The following RHBDL2 variants were observed in gnomAD, a reference collection of about 807,000 sequenced individuals.
RHBDL2 encodes rhomboid like 2.
In RHBDL2, 26 loss-of-function variants were observed where a neutral mutation model predicts 31.7. The observed-to-expected ratio is 0.82, with a 90% confidence interval of 0.60 to 1.14. The LOEUF (loss-of-function observed/expected upper bound fraction) is 1.14, where lower values mean the gene tolerates loss of function less well. Ranked by LOEUF, RHBDL2 falls within the 50% of genes most tolerant of loss-of-function variation. The pLI is 0.00. For missense variants in RHBDL2, 336 were observed against 364.4 expected, an observed-to-expected ratio of 0.92 and a Z score of 0.63; for synonymous variants, 123 against 127.2, an observed-to-expected ratio of 0.97 and a Z score of 0.22.
intron 4 of RHBDL2, among the ~76,000 whole-genome samples, chr1:38,897,059 C>G (rs2124307539): frequency 6.6e-6 from 1 of 151,758 alleles, no homozygotes; most frequent in Non-Finnish European, 1.5e-5. Context: ...GTCCTTGCTA[C>G]TCTGAGGAGG....
chr1:38,892,817 C>T (rs926676957), intron 6 of RHBDL2, among the ~76,000 whole-genome samples: 13 of 152,296 alleles, frequency 8.5e-5, no homozygotes, highest in African/African-American at 3.1e-4. Flanking sequence ...CCTGTTCTAA[C>T]CATAAGACTA....
intron 6 of RHBDL2, among the ~76,000 whole-genome samples, chr1:38,890,290 G>A (rs1011604490): frequency 7.9e-5 from 12 of 152,110 alleles, no homozygotes; most frequent in African/African-American, 2.4e-4. Flanking sequence ...AAAGTGCTGC[G>A]ATTACAGGCG....
intron 7 of RHBDL2, among the ~76,000 whole-genome samples, chr1:38,887,290 A>G (rs945937928): frequency 6.6e-6 from 1 of 152,044 alleles, no homozygotes; most frequent in African/African-American, 2.4e-5. Flanking sequence ...ATCACAGCTC[A>G]CTGTAGACTC....
Position 38,904,514 on chromosome 1 carries a change from G to A in RHBDL2, c.508+6808C>T, listed in dbSNP as rs190884803. Among the ~76,000 whole-genome samples the A allele has an allele frequency of 6.7e-3, 1,011 of 150,930 alleles. 41 individuals are homozygous for A. Among genetic ancestry groups the A allele is most frequent in the Admixed American group, 0.06 (905 of 15,122 alleles). ...AAAATTATTTGATATGACACTAAAAGCCACAATTCCTAAAGTTTGAAAATG... is the reference window on the plus strand; with the variant it reads ...AAAATTATTTGATATGACACTAAAAACCACAATTCCTAAAGTTTGAAAATG... On this transcript the variant is annotated intron_variant, in intron 4 of 7. Coordinates refer to ENST00000372990, the MANE Select transcript of RHBDL2 (RefSeq NM_017821.5).
At chr1:38,928,663 C>T (rs1266181759) in intron 1 of RHBDL2, among the ~76,000 whole-genome samples, 3 of 150,838 alleles carry the variant, frequency 2.0e-5, no homozygotes, top group Admixed American at 1.3e-4. Flanking sequence ...TCAGGCTGAT[C>T]TCGAACTCCC....
intron 2 of RHBDL2, 37 bp downstream of exon 2, chr1:38,918,930 G>C: frequency 8.2e-6 from 13 of 1,592,292 alleles, no homozygotes; most frequent in Non-Finnish European, 1.0e-5. Flanking sequence ...GCTTCCCCAT[G>C]CCACTTACCC....
In RHBDL2 at chr1:38,911,643, TGTGC is replaced by T. The variant is rs1328048574; in HGVS notation, c.396-213_396-210del. On this transcript the variant is annotated intron_variant, in intron 3 of 7. Coordinates refer to ENST00000372990, the MANE Select transcript of RHBDL2 (RefSeq NM_017821.5). ...GTGTGTGTGTGTGTGTGTGTGTGTG[TGTGC>T]GCGCGCGCGCGCGTGTGTGACTTGC... Among the ~76,000 whole-genome samples, 158 of 58,798 alleles carry T rather than the reference TGTGC, an allele frequency of 2.7e-3. 1 individual carries two copies. The highest frequency in any genetic ancestry group is 0.016 in the South Asian group (31 of 1,922). The allele number at this position is 58,798 out of a possible 152,430, so 38.6% of individuals were successfully genotyped here.
intron 3 of RHBDL2, among the ~76,000 whole-genome samples, chr1:38,913,005 C>CA (rs1306673222): frequency 1.6e-5 from 2 of 123,280 alleles, no homozygotes; most frequent in African/African-American, 6.3e-5. Flanking sequence ...TTTCTTGAGA[C>CA]AGAGTCTCAC....
In RHBDL2 at chr1:38,886,471, T is replaced by G; in HGVS notation, c.*33A>C. On this transcript the variant is annotated 3_prime_UTR_variant, in exon 8 of 8. Transcript: ENST00000372990. ...TTTTTTTTTATTTCCTCCAGATGGCTCTTTTTATTAATTGACTTACAATAG... is the reference window on the plus strand; with the variant it reads ...TTTTTTTTTATTTCCTCCAGATGGCGCTTTTTATTAATTGACTTACAATAG... 7.0e-7 allele frequency: 1 copy of G among 1,431,486 alleles called. No homozygotes were observed. Among genetic ancestry groups the G allele is most frequent in the Non-Finnish European group, 9.4e-7 (1 of 1,068,932 alleles). 88.7% of individuals were successfully genotyped at this position (1,431,486 alleles called of 1,614,324 possible). A position where few individuals can be genotyped will look rare whatever the true frequency, so the allele number is the denominator to read the frequency against.
intron 4 of RHBDL2, among the ~76,000 whole-genome samples, chr1:38,906,215 G>T (rs1424759652): frequency 1.3e-5 from 2 of 151,958 alleles, no homozygotes; most frequent in Non-Finnish European, 2.9e-5. Flanking sequence ...ACACAATAAG[G>T]CAAGAAAAAG....
intron 2 of RHBDL2, among the ~76,000 whole-genome samples, chr1:38,916,370 G>A (rs988518895): frequency 6.6e-6 from 1 of 152,170 alleles, no homozygotes; most frequent in African/African-American, 2.4e-5. Flanking sequence ...GACTATCAGA[G>A]TCATGAAAAA....
In RHBDL2 at chr1:38,928,887, C is replaced by T. The variant is rs571168275; in HGVS notation, c.-125-9550G>A. ...ACCAGCCTGGGCAACACAGCGAAAG[C>T]CTTTCTCTACAAAAAAAAATTAAAA... On this transcript the variant is annotated intron_variant, in intron 1 of 7. Transcript: ENST00000372990. 2.7e-3 allele frequency among the ~76,000 whole-genome samples: 414 copies of T among 152,132 alleles called. 6 individuals carry two copies. In the South Asian group the frequency reaches 0.047, roughly 17 times the overall value.
At chr1:38,918,874 C>T in intron 2 of RHBDL2, 93 bp downstream of exon 2, 2 of 1,475,300 alleles carry the variant, frequency 1.4e-6, no homozygotes, top group South Asian at 2.6e-5. Flanking sequence ...CTCCCATGTT[C>T]CCAGTCTCTT....
chr1:38,887,161 T>C (rs1210101066), intron 7 of RHBDL2, among the ~76,000 whole-genome samples: 1 of 152,214 alleles, frequency 6.6e-6, no homozygotes, highest in East Asian at 1.9e-4. Context: ...CAATTTTCTT[T>C]ATTGTCAACT....
At chr1:38,917,681 T>G (rs1157667848) in intron 2 of RHBDL2, among the ~76,000 whole-genome samples, 2 of 152,188 alleles carry the variant, frequency 1.3e-5, no homozygotes, top group South Asian at 4.1e-4. Context: ...AGTGAAATCC[T>G]GTGAAAAAAA....
intron 4 of RHBDL2, among the ~76,000 whole-genome samples, chr1:38,903,253 C>T (rs1483980045): frequency 6.6e-6 from 1 of 151,952 alleles, no homozygotes; most frequent in Non-Finnish European, 1.5e-5. Context: ...CTTTCTTCTA[C>T]CTCAGCCTCC....
intron 2 of RHBDL2, among the ~76,000 whole-genome samples, chr1:38,917,241 T>C (rs550778321): frequency 2.6e-5 from 4 of 152,060 alleles, no homozygotes; most frequent in South Asian, 4.2e-4. Flanking sequence ...ATGGTCTCAA[T>C]CTCCTGACCT....
intron 6 of RHBDL2, 146 bp downstream of exon 6, chr1:38,893,018 T>G (rs2124302626): frequency 4.2e-6 from 2 of 472,828 alleles, no homozygotes; most frequent in East Asian, 6.4e-5. Flanking sequence ...CCTTTTCTTT[T>G]GTACTTCAGA....
intron 3 of RHBDL2, 68 bp downstream of exon 3, chr1:38,915,494 C>T: frequency 6.5e-7 from 1 of 1,528,190 alleles, no homozygotes; most frequent in East Asian, 2.2e-5. Flanking sequence ...ATAAAGCACT[C>T]AACAAATGTT....
Sources: gnomAD v4.1 joint callset for allele counts (sites outside exome capture counted in the v4.1 genomes callset) on GRCh38, gnomAD v4.1.1 for gene constraint, MANE v1.5 for transcripts, NCBI Gene and HGNC (gene_info 2026-07-23, HGNC 2026-07-21) for gene names.